Variants in FBN2 observed in about 807,000 individuals in gnomAD.
The protein encoded by FBN2 is fibrillin-2.
Under a neutral mutation model 355.6 loss-of-function variants are expected in FBN2, and 105 were observed. The ratio of observed to expected loss-of-function variants is 0.30; its 90% confidence interval spans 0.25 to 0.35. The LOEUF is 0.35. FBN2 is among the 10% of genes least tolerant of loss of function. The pLI, the probability that FBN2 is intolerant of heterozygous loss-of-function variation, is 1.00. For synonymous variants in FBN2, 1,350 were observed against 1,301.2 expected (o/e 1.04, Z -0.81); for missense variants, 3,280 against 3,758.7 (o/e 0.87, Z 3.33).
At chr5:128,342,539 A>C (rs1751051848) in intron 25 of FBN2, among the ~76,000 whole-genome samples, 1 of 152,034 alleles carries the variant, frequency 6.6e-6, no homozygotes, top group Non-Finnish European at 1.5e-5. Context: ...AGATATTTTG[A>C]ACCTGTGTAT....
intron 7 of FBN2, among the ~76,000 whole-genome samples, chr5:128,434,882 A>G (rs1753735154): frequency 6.6e-6 from 1 of 152,168 alleles, no homozygotes; most frequent in Non-Finnish European, 1.5e-5. Context: ...AGGGTAGAAT[A>G]GGTTTTCCTA....
rs771295804 is a variant in FBN2, at chr5:128,408,797, T to C, written c.955A>G (p.Ile319Val). The C allele has an allele frequency of 3.7e-6, 6 of 1,613,884 alleles. No individual in the cohort carries two copies. The highest frequency in any genetic ancestry group is 5.1e-6 in the Non-Finnish European group (6 of 1,179,812). The change falls in exon 8 of 65, where the codon ATT becomes GTT. Residue 319 changes from isoleucine to valine, a missense_variant and splice_region_variant. By Grantham distance (29) the Ile-to-Val change is conservative. Around this residue, in one of 6 missense-constraint regions of FBN2, gnomAD observed 343 missense variants for 331.0 expected, o/e 1.04. Transcript: ENST00000262464. ...QSETTQKCEDIDECSIIPGIC... is the reference protein window; with the variant it reads ...QSETTQKCEDVDECSIIPGIC... ...CCAGGAATGATGCTGCACTCATCAA[T>C]GTCTAATCAAGGGAAGAAGGAGAAG...
intron 7 of FBN2, among the ~76,000 whole-genome samples, chr5:128,430,095 T>C (rs1753582026): frequency 6.6e-6 from 1 of 152,154 alleles, no homozygotes; most frequent in South Asian, 2.1e-4. Context: ...ATTTTTCTGT[T>C]AGGTGTTAGC....
At chr5:128,414,957 GT>G (rs1753158332) in intron 7 of FBN2, among the ~76,000 whole-genome samples, 1 of 152,062 alleles carries the variant, frequency 6.6e-6, no homozygotes, top group South Asian at 2.1e-4. Flanking sequence ...CCTTTGCCCA[GT>G]TTTTAATTAA....
At chr5:128,267,614 G>GT (rs1002430904) in intron 62 of FBN2, among the ~76,000 whole-genome samples, 72 of 151,110 alleles carry the variant, frequency 4.8e-4, no homozygotes, top group African/African-American at 8.7e-4. Flanking sequence ...CCACATAAAT[G>GT]TTTTTTTTTG....
intron 62 of FBN2, among the ~76,000 whole-genome samples, chr5:128,271,597 C>T (rs759072043): frequency 2.0e-5 from 3 of 152,096 alleles, no homozygotes; most frequent in Non-Finnish European, 4.4e-5. Context: ...ATGGACTGTC[C>T]TCATTAAGTT....
At chr5:128,479,398 TAC>T (rs2127105352) in intron 5 of FBN2, among the ~76,000 whole-genome samples, 1 of 152,266 alleles carries the variant, frequency 6.6e-6, no homozygotes, top group Non-Finnish European at 1.5e-5. Flanking sequence ...CATATGTATA[TAC>T]ACACATATAT....
At chr5:128,306,611 A>G (rs1350410710) in intron 42 of FBN2, among the ~76,000 whole-genome samples, 1 of 152,040 alleles carries the variant, frequency 6.6e-6, no homozygotes. Context: ...AACAAGAGCA[A>G]AACTCCATCT....
intron 50 of FBN2, among the ~76,000 whole-genome samples, chr5:128,290,398 C>T (rs11745497): frequency 0.087 from 13,272 of 152,168 alleles, 845 homozygotes; most frequent in Middle Eastern, 0.24. Context: ...GATACAATGC[C>T]CACATGGGAC....
intron 29 of FBN2, 73 bp from the exon 30 acceptor site, chr5:128,335,368 T>A: frequency 6.2e-7 from 1 of 1,612,756 alleles, no homozygotes; most frequent in Non-Finnish European, 8.5e-7. Flanking sequence ...TTGTTTTCTA[T>A]CTGGTTCCAC....
At chr5:128,388,050 G>A (rs1001877797) in intron 11 of FBN2, among the ~76,000 whole-genome samples, 4 of 152,162 alleles carry the variant, frequency 2.6e-5, no homozygotes, top group Admixed American at 6.5e-5. Flanking sequence ...TGTATGTTTA[G>A]GATAGGGAAA....
intron 6 of FBN2, among the ~76,000 whole-genome samples, chr5:128,455,863 G>T (rs960339801): frequency 4.6e-5 from 7 of 151,854 alleles, no homozygotes; most frequent in Non-Finnish European, 7.4e-5. Context: ...GGAACGTACA[G>T]ATTATTACAG....
At chr5:128,351,238 AG>A (rs1257571134) in intron 20 of FBN2, among the ~76,000 whole-genome samples, 1 of 144,370 alleles carries the variant, frequency 6.9e-6, no homozygotes, top group Non-Finnish European at 1.5e-5. Flanking sequence ...AAAAAAAAAA[AG>A]AATACTTTAA....
intron 4 of FBN2, among the ~76,000 whole-genome samples, chr5:128,526,327 G>A (rs1001177195): frequency 6.6e-5 from 10 of 152,058 alleles, no homozygotes; most frequent in Non-Finnish European, 1.0e-4. Context: ...AGCTTCTGTG[G>A]AAAACAGTAT....
At chr5:128,328,401 A>G (rs1460897432) in intron 34 of FBN2, 3 of 597,812 alleles carry the variant, frequency 5.0e-6, no homozygotes, top group Admixed American at 5.9e-5. Flanking sequence ...GTTTCTCCAC[A>G]TGTCATTCAT....
intron 6 of FBN2, among the ~76,000 whole-genome samples, chr5:128,457,623 G>T (rs1461447759): frequency 1.3e-5 from 2 of 152,152 alleles, no homozygotes; most frequent in Non-Finnish European, 2.9e-5. Flanking sequence ...AACTCTACAA[G>T]CCAGAAAAGA....
intron 5 of FBN2, among the ~76,000 whole-genome samples, chr5:128,499,483 A>G (rs929864951): frequency 6.6e-5 from 10 of 152,126 alleles, no homozygotes; most frequent in African/African-American, 2.4e-4. Context: ...ATTCTTATGT[A>G]ATTGATAGGG....
chr5:128,482,232 T>A (rs756212628), intron 5 of FBN2, among the ~76,000 whole-genome samples: 14 of 152,226 alleles, frequency 9.2e-5, no homozygotes, highest in Admixed American at 2.0e-4. Context: ...TGGGAGGATG[T>A]TTACTTTGTC....
rs557684710 is a variant in FBN2 at position 128,383,969 on chromosome 5, C to T, written c.1604-5079G>A. Among the ~76,000 whole-genome samples, 8 of 152,146 alleles carry T rather than the reference C, an allele frequency of 5.3e-5. No homozygotes were observed. In the South Asian group the frequency reaches 1.5e-3, roughly 28 times the overall value. ...TATACTCAAAACTAAAATGCTTATA[C>T]AAACACTTGTCCATGAATGTTCATA... On this transcript the variant is annotated intron_variant, in intron 11 of 64. Coordinates refer to ENST00000262464, the MANE Select transcript of FBN2 (RefSeq NM_001999.4).
Sources: allele counts gnomAD v4.1 joint callset (sites outside exome capture counted in the v4.1 genomes callset), GRCh38; gene constraint gnomAD v4.1.1; regional missense constraint gnomAD v4.1.1; transcripts MANE v1.5; gene names NCBI Gene and HGNC (gene_info 2026-07-23, HGNC 2026-07-21).